Variants in UBTD1 observed in about 807,000 individuals in gnomAD.
The protein encoded by UBTD1 is ubiquitin domain containing 1, also known as ubiquitin domain-containing protein 1.
In UBTD1, 19 loss-of-function variants were observed where a neutral mutation model predicts 21.7. The observed-to-expected ratio is 0.87, with a 90% confidence interval of 0.61 to 1.28. The LOEUF is 1.28. Ranked by LOEUF, UBTD1 falls within the 50% of genes most tolerant of loss-of-function variation. The pLI, the probability that UBTD1 is intolerant of heterozygous loss-of-function variation, is 0.00. For synonymous variants in UBTD1, 116 were observed against 135.1 expected (o/e 0.86, Z 0.98); for missense variants, 282 against 315.1 (o/e 0.89, Z 0.80).
intron 1 of UBTD1, among the ~76,000 whole-genome samples, chr10:97,519,068 A>G (rs969151517): frequency 1.3e-5 from 2 of 152,200 alleles, no homozygotes; most frequent in African/African-American, 4.8e-5. Flanking sequence ...CCTAATCACT[A>G]GAGGAGGAGA....
intron 1 of UBTD1, among the ~76,000 whole-genome samples, chr10:97,499,577 G>C (rs1278531442): frequency 6.6e-6 from 1 of 152,166 alleles, no homozygotes; most frequent in Non-Finnish European, 1.5e-5. Context: ...AGGAGGCCGG[G>C]GGCGAGGGCG....
intron 1 of UBTD1, among the ~76,000 whole-genome samples, chr10:97,548,548 C>A (rs2040621543): frequency 6.6e-6 from 1 of 152,208 alleles, no homozygotes; most frequent in African/African-American, 2.4e-5. Flanking sequence ...ATAATCCCAG[C>A]ACTTTGAAAG....
intron 1 of UBTD1, among the ~76,000 whole-genome samples, chr10:97,523,730 CCTT>C (rs1165685821): frequency 2.6e-5 from 4 of 151,884 alleles, no homozygotes; most frequent in Non-Finnish European, 4.4e-5. Flanking sequence ...TGTCTTTGTA[CCTT>C]CTTTGGGTGT....
At chr10:97,542,863 C>T (rs1022871393) in intron 1 of UBTD1, among the ~76,000 whole-genome samples, 1 of 152,248 alleles carries the variant, frequency 6.6e-6, no homozygotes, top group Admixed American at 6.5e-5. Context: ...GCATAGAACC[C>T]TCGCAGAGGC....
At chr10:97,552,994 C>T (rs777422250) in intron 1 of UBTD1, among the ~76,000 whole-genome samples, 11 of 152,240 alleles carry the variant, frequency 7.2e-5, no homozygotes, top group African/African-American at 1.2e-4. Context: ...TTATTAGAAC[C>T]AAATAGGTGA....
chr10:97,570,687 T>G lies in UBTD1; in HGVS notation c.*164T>G. On this transcript the variant is annotated 3_prime_UTR_variant, in exon 3 of 3. Coordinates refer to ENST00000370664, the MANE Select transcript of UBTD1 (RefSeq NM_024954.5). The surrounding 1 kb of genome is among the most constrained non-coding windows in gnomAD (Gnocchi z 6.6). ...TTTCAGGGCACTACGCGCCACCAGT[T>G]CCCGGTACCCAGGGAGCAGGCAGCC... The G allele has an allele frequency of 4.8e-6, 4 of 835,962 alleles. No homozygotes were observed. Among genetic ancestry groups the G allele is most frequent in the Non-Finnish European group, 7.3e-6 (4 of 549,106 alleles). The allele number at this position is 835,962 out of a possible 1,614,324, so 51.8% of individuals were successfully genotyped here.
chr10:97,566,595 C>T (rs541919186), intron 1 of UBTD1, among the ~76,000 whole-genome samples: 1 of 152,306 alleles, frequency 6.6e-6, no homozygotes, highest in South Asian at 2.1e-4. Flanking sequence ...AATAATAATA[C>T]CTACTGCCTA....
At chr10:97,543,566 TG>T in intron 1 of UBTD1, among the ~76,000 whole-genome samples, 1 of 152,102 alleles carries the variant, frequency 6.6e-6, no homozygotes, top group East Asian at 1.9e-4. Flanking sequence ...GACTGATGAG[TG>T]GCATTTGCAT....
intron 1 of UBTD1, among the ~76,000 whole-genome samples, chr10:97,520,941 C>T (rs904322229): frequency 6.6e-6 from 1 of 152,166 alleles, no homozygotes; most frequent in African/African-American, 2.4e-5. Context: ...TGGTGACTGT[C>T]TGCTGTGACC....
intron 1 of UBTD1, among the ~76,000 whole-genome samples, chr10:97,566,603 C>T (rs559884841): frequency 1.3e-5 from 2 of 152,324 alleles, no homozygotes; most frequent in Admixed American, 1.3e-4. Context: ...TACCTACTGC[C>T]TAAGGCTACT....
chr10:97,523,437 C>G (rs930967265), intron 1 of UBTD1, among the ~76,000 whole-genome samples: 2 of 152,036 alleles, frequency 1.3e-5, no homozygotes, highest in African/African-American at 4.8e-5. Flanking sequence ...CTAAAGCTTG[C>G]TAGGGTCACC....
intron 1 of UBTD1, among the ~76,000 whole-genome samples, chr10:97,512,098 A>C (rs574919566): frequency 6.6e-6 from 1 of 152,334 alleles, no homozygotes; most frequent in East Asian, 1.9e-4. Context: ...GAGTCAGTTC[A>C]TCTCCTCAAG....
chr10:97,557,107 T>G (rs2040667845), intron 1 of UBTD1, among the ~76,000 whole-genome samples: 1 of 152,190 alleles, frequency 6.6e-6, no homozygotes, highest in South Asian at 2.1e-4. Flanking sequence ...CCATGGCCAT[T>G]GATCTCCTGT....
In UBTD1 at chr10:97,515,024, A is replaced by G. The variant is rs866582777; in HGVS notation, c.70+15751A>G. On this transcript the variant is annotated intron_variant, in intron 1 of 2. Transcript: ENST00000370664. ...TGCAAGCTCTGTGACCTTTGGAGAC[A>G]TTGATGATCATCTTGGGTAGCCTGG... Among the ~76,000 whole-genome samples, 6 of 152,314 alleles carry G rather than the reference A, an allele frequency of 3.9e-5. No individual in the cohort carries two copies. The Middle Eastern group carries it at 0.01, about 259-fold the overall frequency.
chr10:97,526,875 GAA>G (rs1031698112), intron 1 of UBTD1, among the ~76,000 whole-genome samples: 6 of 106,516 alleles, frequency 5.6e-5, no homozygotes, highest in African/African-American at 2.0e-4. Context: ...AAAAAAAAAA[GAA>G]ATGCCTCTCT....
chr10:97,517,043 AG>A (rs1191609336), intron 1 of UBTD1, among the ~76,000 whole-genome samples: 1 of 152,190 alleles, frequency 6.6e-6, no homozygotes, highest in Non-Finnish European at 1.5e-5. Flanking sequence ...CAAGGATGAC[AG>A]GGGTAGCTGG....
intron 1 of UBTD1, among the ~76,000 whole-genome samples, chr10:97,528,087 C>T (rs71333242): frequency 8.0e-6 from 1 of 124,492 alleles, no homozygotes; most frequent in Admixed American, 7.7e-5. Flanking sequence ...CTGACTCCCC[C>T]ACCTCCCTCC....
rs556230678 is a variant in UBTD1 at position 97,533,964 on chromosome 10, C to A, written c.71-33950C>A. Among the ~76,000 whole-genome samples the A allele has an allele frequency of 2.3e-3, 354 of 152,228 alleles. No individual in the cohort carries two copies. The Middle Eastern group carries it at 0.024, about 10-fold the overall frequency. ...AAATCTTAAGCCCTCATCAGACTCG[C>A]CTTGGGAGGGGCAGGTGATGTGGGC... On this transcript the variant is annotated intron_variant, in intron 1 of 2. Transcript: ENST00000370664.
At chr10:97,500,467 A>C (rs1249493652) in intron 1 of UBTD1, among the ~76,000 whole-genome samples, 1 of 152,210 alleles carries the variant, frequency 6.6e-6, no homozygotes, top group Non-Finnish European at 1.5e-5. Context: ...ACTTATTGAA[A>C]TTCTCTTGTC....
Sources: allele counts gnomAD v4.1 joint callset (sites outside exome capture counted in the v4.1 genomes callset), GRCh38; gene constraint gnomAD v4.1.1; non-coding constraint Gnocchi (gnomAD v3.1); transcripts MANE v1.5; gene names NCBI Gene and HGNC (gene_info 2026-07-23, HGNC 2026-07-21).